Variants in IQCM observed in about 807,000 individuals in gnomAD.
IQCM encodes the protein IQ domain-containing protein M.
IQCM carries 45 observed loss-of-function variants against 57.6 expected under a neutral mutation model. The ratio of observed to expected loss-of-function variants is 0.78; its 90% confidence interval spans 0.62 to 1.00. IQCM has a LOEUF of 1.00. Ranked by LOEUF, IQCM falls within the 50% of genes least tolerant of loss-of-function variation. The probability of loss-of-function intolerance (pLI) is 0.00; values close to 1 mark genes in which losing one functional copy is unlikely to be tolerated. For missense variants in IQCM, 468 were observed against 511.6 expected (o/e 0.91, Z 0.82); for synonymous variants, 148 against 158.9 (o/e 0.93, Z 0.51).
At chr4:149,545,872 G>C (rs1748355031) in intron 12 of IQCM, among the ~76,000 whole-genome samples, 1 of 151,924 alleles carries the variant, frequency 6.6e-6, no homozygotes, top group Admixed American at 6.6e-5. Context: ...ACAACGTGAA[G>C]GTTTGTCACA....
intron 7 of IQCM, among the ~76,000 whole-genome samples, chr4:149,623,718 GGTGTGTGT>G (rs3057342): frequency 1.3e-4 from 19 of 146,066 alleles, no homozygotes; most frequent in South Asian, 8.8e-4. Context: ...CTGAATCCCA[GGTGTGTGT>G]GTGTGTGTGT....
At chr4:149,389,127 G>C (rs889516289) in intron 13 of IQCM, among the ~76,000 whole-genome samples, 2 of 151,714 alleles carry the variant, frequency 1.3e-5, no homozygotes, top group Non-Finnish European at 2.9e-5. Flanking sequence ...TCACCCTTAT[G>C]GTTATGCATA....
intron 7 of IQCM, among the ~76,000 whole-genome samples, chr4:149,666,504 T>C (rs1396282900): frequency 6.6e-6 from 1 of 152,008 alleles, no homozygotes; most frequent in Non-Finnish European, 1.5e-5. Context: ...GGGCGGCCAT[T>C]TGGGCAGACA....
intron 7 of IQCM, among the ~76,000 whole-genome samples, chr4:149,663,657 A>G (rs1760431878): frequency 6.6e-6 from 1 of 152,064 alleles, no homozygotes; most frequent in Admixed American, 6.6e-5. Context: ...TGAATATACC[A>G]TTCTCTTCTA....
chr4:149,403,869 ATTT>A (rs1732792269), intron 13 of IQCM, among the ~76,000 whole-genome samples: 1 of 152,038 alleles, frequency 6.6e-6, no homozygotes, highest in Non-Finnish European at 1.5e-5. Flanking sequence ...AACATTTTCA[ATTT>A]TTCATTTTTT....
At chr4:149,582,926 AAAAATGGTGACAAAGAG>A (rs1438513164) in intron 9 of IQCM, among the ~76,000 whole-genome samples, 1 of 151,648 alleles carries the variant, frequency 6.6e-6, no homozygotes, top group African/African-American at 2.4e-5. Flanking sequence ...TCAGGAAAAA[AAAAATGGTGACAAAGAG>A]AATACAGTAA....
intron 13 of IQCM, among the ~76,000 whole-genome samples, chr4:149,353,575 T>C (rs1728722283): frequency 6.6e-6 from 1 of 152,124 alleles, no homozygotes; most frequent in African/African-American, 2.4e-5. Context: ...AACTGTAGCA[T>C]ATATATACAA....
Position 149,510,887 on chromosome 4 carries a change from C to T in IQCM, c.1228+37568G>A, listed in dbSNP as rs191412201. Among the ~76,000 whole-genome samples, 4 of 152,282 alleles carry T rather than the reference C, an allele frequency of 2.6e-5. No homozygotes were observed. In the East Asian group the frequency reaches 7.7e-4, roughly 29 times the overall value. ...GATGGTAGTAACCTTGATCATTTAG[C>T]CAGGTTTCTCCATTGTTAAGTTATT... On this transcript the variant is annotated intron_variant, in intron 12 of 13. Transcript: ENST00000636793.
intron 9 of IQCM, among the ~76,000 whole-genome samples, chr4:149,577,880 G>A (rs1751815145): frequency 6.6e-6 from 1 of 151,640 alleles, no homozygotes; most frequent in Admixed American, 6.6e-5. Flanking sequence ...TCATTTGTTT[G>A]GGTCATCCTT....
intron 5 of IQCM, among the ~76,000 whole-genome samples, chr4:149,718,934 T>C (rs1462718743): frequency 2.6e-5 from 4 of 152,236 alleles, no homozygotes; most frequent in African/African-American, 9.6e-5. Context: ...AAAGACCTTT[T>C]TCCCAAATAA....
intron 13 of IQCM, among the ~76,000 whole-genome samples, chr4:149,387,759 T>G (rs1731526441): frequency 6.6e-6 from 1 of 152,018 alleles, no homozygotes; most frequent in Non-Finnish European, 1.5e-5. Context: ...TTCGAAATTG[T>G]GCAATCTATC....
At chr4:149,452,592 T>C (rs1737236812) in intron 12 of IQCM, among the ~76,000 whole-genome samples, 1 of 151,602 alleles carries the variant, frequency 6.6e-6, no homozygotes, top group Non-Finnish European at 1.5e-5. Context: ...TCAAACTTTT[T>C]TGAGGAATAA....
chr4:149,764,318 A>G (rs1769825354), intron 2 of IQCM, among the ~76,000 whole-genome samples: 1 of 152,168 alleles, frequency 6.6e-6, no homozygotes, highest in South Asian at 2.1e-4. Flanking sequence ...TAACCAGGAA[A>G]GACCAATCAC....
In IQCM at chr4:149,392,327, A is replaced by C. The variant is rs186596713; in HGVS notation, c.1391-40261T>G. On this transcript the variant is annotated intron_variant, in intron 13 of 13. Coordinates refer to ENST00000636793, the MANE Select transcript of IQCM (RefSeq NM_001363507.2). ...TAAGCAAGAAGGTTGAAGATAAAGC[A>C]ATACATAAAGCTATAGCTAGCCAGT... 1.3e-3 allele frequency among the ~76,000 whole-genome samples: 204 copies of C among 152,170 alleles called. 1 individual carries two copies. The highest frequency in any genetic ancestry group is 2.4e-3 in the Non-Finnish European group (160 of 67,966).
intron 7 of IQCM, among the ~76,000 whole-genome samples, chr4:149,674,224 T>C (rs990071909): frequency 6.6e-6 from 1 of 152,252 alleles, no homozygotes; most frequent in East Asian, 1.9e-4. Flanking sequence ...AAATATTTAT[T>C]CTAATAAATT....
chr4:149,585,733 G>A (rs1274722679), intron 9 of IQCM, among the ~76,000 whole-genome samples: 4 of 151,598 alleles, frequency 2.6e-5, no homozygotes, highest in Non-Finnish European at 5.9e-5. Context: ...TATAAAAGAA[G>A]CATGACTGAC....
At chr4:149,473,675 T>A (rs538162899) in intron 12 of IQCM, among the ~76,000 whole-genome samples, 3 of 152,266 alleles carry the variant, frequency 2.0e-5, no homozygotes, top group South Asian at 4.1e-4. Flanking sequence ...CACATGCACA[T>A]GTACGTTTAT....
At chr4:149,629,961 CT>C (rs1481013417) in intron 7 of IQCM, among the ~76,000 whole-genome samples, 7 of 75,034 alleles carry the variant, frequency 9.3e-5, no homozygotes, top group Non-Finnish European at 1.7e-4. Context: ...TCAATGGCAC[CT>C]TTTTGGGAGC....
chr4:149,753,420 G>A (rs76211245), intron 2 of IQCM, among the ~76,000 whole-genome samples: 1,921 of 152,088 alleles, frequency 0.013, 17 homozygotes, highest in South Asian at 0.018. Context: ...ATAAAAATAC[G>A]TTCTTTCAAA....
Sources: gnomAD v4.1 joint callset for allele counts (sites outside exome capture counted in the v4.1 genomes callset) on GRCh38, gnomAD v4.1.1 for gene constraint, MANE v1.5 for transcripts, NCBI Gene and HGNC (gene_info 2026-07-23, HGNC 2026-07-21) for gene names.